The following HDAC9 variants were observed in gnomAD, a reference collection of about 807,000 sequenced individuals.
HDAC9 encodes the protein MEF-2 interacting transcription repressor (MITR) protein.
In HDAC9, 41 loss-of-function variants were observed where a neutral mutation model predicts 139.4. The observed-to-expected ratio is 0.29, with a 90% CI of 0.23 to 0.38. HDAC9 has a LOEUF of 0.38. Among genes scored for constraint, HDAC9 ranks in the 10% least tolerant of loss-of-function variants. The pLI, the probability that HDAC9 is intolerant of heterozygous loss-of-function variation, is 1.00. For missense variants in HDAC9, 1,147 were observed against 1,297.0 expected (o/e 0.88, Z 1.78); for synonymous variants, 517 against 476.2 (o/e 1.09, Z -1.12).
intron 21 of HDAC9, among the ~76,000 whole-genome samples, chr7:18,836,675 T>C (rs1411270629): frequency 1.3e-5 from 2 of 152,150 alleles, no homozygotes; most frequent in African/African-American, 4.8e-5. Flanking sequence ...GGCTTCTCTT[T>C]GAGAGAATTT....
Position 18,975,961 on chromosome 7 carries a change from T to A in HDAC9, c.3170+8T>A, listed in dbSNP as rs1377691346. The A allele has an allele frequency of 1.2e-6, 2 of 1,612,568 alleles. No individual in the cohort carries two copies. The highest frequency in any genetic ancestry group is 1.7e-6 in the Non-Finnish European group (2 of 1,179,408). Reference sequence around the variant, plus strand: ...TGCTCAGGAAGACAGCAGGTATGAATCCAACGTGCGGGAATAATCCGGGTC... The same window carrying A: ...TGCTCAGGAAGACAGCAGGTATGAAACCAACGTGCGGGAATAATCCGGGTC... On this transcript the variant is annotated splice_region_variant and intron_variant, in intron 25 of 25. Transcript: ENST00000686413.
At chr7:18,961,893 CAAAT>C (rs959035876) in intron 24 of HDAC9, among the ~76,000 whole-genome samples, 23 of 152,142 alleles carry the variant, frequency 1.5e-4, no homozygotes, top group Non-Finnish European at 2.9e-5. Context: ...CACTATGTCA[CAAAT>C]AAGTTCATTC....
At chr7:18,575,533 C>T (rs979006345) in intron 2 of HDAC9, among the ~76,000 whole-genome samples, 1 of 152,228 alleles carries the variant, frequency 6.6e-6, no homozygotes, top group Admixed American at 6.5e-5. Context: ...TGTTCACTTA[C>T]TCCATGTTGT....
rs112001783 is a variant in HDAC9 at position 18,303,346 on chromosome 7, A to T, written c.-42+12831A>T. Among the ~76,000 whole-genome samples, 240 of 150,146 alleles carry T rather than the reference A, an allele frequency of 1.6e-3. 1 individual carries two copies. Among genetic ancestry groups the T allele is most frequent in the African/African-American group, 5.6e-3 (228 of 40,878 alleles). On this transcript the variant is annotated intron_variant, in intron 1 of 3. Transcript: ENST00000413509. ...CTCAGCCTTCCGAGTGGCTGGGACT[A>T]CAGGCACCCACCGCCACGCCCAGCC...
intron 6 of HDAC9, among the ~76,000 whole-genome samples, chr7:18,624,574 TA>T (rs1841122679): frequency 6.6e-6 from 1 of 152,096 alleles, no homozygotes; most frequent in African/African-American, 2.4e-5. Context: ...TACATTCATA[TA>T]CAAGCAGAAC....
intron 2 of HDAC9, among the ~76,000 whole-genome samples, chr7:18,195,467 C>T (rs1013764782): frequency 6.6e-6 from 1 of 152,086 alleles, no homozygotes; most frequent in East Asian, 1.9e-4. Flanking sequence ...ATGAAATAGC[C>T]TCACATCTGT....
chr7:18,175,880 C>T (rs1198723150), intron 2 of HDAC9, among the ~76,000 whole-genome samples: 1 of 148,550 alleles, frequency 6.7e-6, no homozygotes, highest in Non-Finnish European at 1.5e-5. Flanking sequence ...AACCTTTTCT[C>T]CCAGGCTCTT....
rs569269148 is a variant in HDAC9 at position 18,719,667 on chromosome 7, G to T, written c.1732-7913G>T. 3.3e-5 allele frequency among the ~76,000 whole-genome samples: 5 copies of T among 151,772 alleles called. No homozygotes were observed. In the East Asian group the frequency reaches 9.7e-4, roughly 29 times the overall value. On this transcript the variant is annotated intron_variant, in intron 12 of 25. Coordinates refer to ENST00000686413, the MANE Select transcript of HDAC9 (RefSeq NM_178425.4). ...AGTAACCTATTTTTTTGGGGGAGGG[G>T]GTCTCTTTTGCCTTTGGTCTTATAC...
At chr7:18,307,097 TTGTGTGTGTGTGTGTG>T (rs56020648) in intron 1 of HDAC9, among the ~76,000 whole-genome samples, 26 of 134,872 alleles carry the variant, frequency 1.9e-4, no homozygotes, top group East Asian at 6.6e-4. Context: ...AGGGCAGTTC[TTGTGTGTGTGTGTGTG>T]TGTGTGTGTG....
chr7:18,714,255 C>CT (rs2129117001), intron 12 of HDAC9, among the ~76,000 whole-genome samples: 1 of 152,286 alleles, frequency 6.6e-6, no homozygotes, highest in Admixed American at 6.5e-5. Context: ...ATTAAGTTGC[C>CT]TACTCTACGC....
intron 2 of HDAC9, among the ~76,000 whole-genome samples, chr7:18,501,610 G>A (rs747895793): frequency 6.6e-6 from 1 of 152,014 alleles, no homozygotes; most frequent in Non-Finnish European, 1.5e-5. Context: ...TCAGTGATAT[G>A]TTCTTATTTT....
intron 25 of HDAC9, among the ~76,000 whole-genome samples, chr7:18,989,478 C>A (rs1785675371): frequency 6.6e-6 from 1 of 150,646 alleles, no homozygotes; most frequent in Admixed American, 6.6e-5. Context: ...TCTCTGGCTG[C>A]CCTTAACATT....
At chr7:18,673,443 A>C (rs759485224) in intron 12 of HDAC9, among the ~76,000 whole-genome samples, 35 of 152,182 alleles carry the variant, frequency 2.3e-4, no homozygotes, top group Non-Finnish European at 4.3e-4. Context: ...GGTACAGCCT[A>C]AGTAGAAAAT....
chr7:18,501,508 C>G (rs1462965861), intron 2 of HDAC9, among the ~76,000 whole-genome samples: 1 of 152,186 alleles, frequency 6.6e-6, no homozygotes, highest in Middle Eastern at 3.4e-3. Flanking sequence ...TTTATAGTTC[C>G]TTCAACTGCA....
At chr7:18,496,190 C>T in intron 1 of HDAC9, 72 bp from the exon 2 acceptor site, 3 of 1,534,926 alleles carry the variant, frequency 2.0e-6, no homozygotes, top group Admixed American at 1.7e-5. Context: ...ATGAATGTTT[C>T]ATGTAGCTGA....
intron 22 of HDAC9, among the ~76,000 whole-genome samples, chr7:18,904,604 G>A (rs1453768397): frequency 1.6e-5 from 2 of 121,326 alleles, no homozygotes; most frequent in East Asian, 4.7e-4. Flanking sequence ...TTTTTAGATG[G>A]AGTCTCGCTG....
chr7:18,528,364 A>G (rs1471821405), intron 2 of HDAC9, among the ~76,000 whole-genome samples: 4 of 152,072 alleles, frequency 2.6e-5, no homozygotes, highest in Non-Finnish European at 5.9e-5. Flanking sequence ...AGAACAAATA[A>G]CATTTTATAT....
chr7:18,542,096 C>G (rs1225268714), intron 2 of HDAC9, among the ~76,000 whole-genome samples: 1 of 152,096 alleles, frequency 6.6e-6, no homozygotes, highest in African/African-American at 2.4e-5. Flanking sequence ...TGGTGACAAT[C>G]AAAAATGTCT....
intron 13 of HDAC9, among the ~76,000 whole-genome samples, chr7:18,738,342 T>G (rs1256223999): frequency 6.6e-6 from 1 of 152,358 alleles, no homozygotes; most frequent in Non-Finnish European, 1.5e-5. Flanking sequence ...TTGATGCAGT[T>G]TCTTCATAGC....
Sources: allele counts gnomAD v4.1 joint callset (sites outside exome capture counted in the v4.1 genomes callset), GRCh38; gene constraint gnomAD v4.1.1; transcripts MANE v1.5; gene names NCBI Gene and HGNC (gene_info 2026-07-23, HGNC 2026-07-21).